Variants in LTBR observed in about 807,000 individuals in gnomAD.
LTBR encodes lymphotoxin beta receptor, also known as tumor necrosis factor receptor superfamily member 3.
In LTBR, 15 loss-of-function variants were observed where a neutral mutation model predicts 45.4. That is an observed-to-expected ratio of 0.33 (90% CI 0.22 to 0.51). LTBR has a LOEUF of 0.51. LTBR is among the 20% of genes least tolerant of loss of function. The pLI, the probability that LTBR is intolerant of heterozygous loss-of-function variation, is 0.97. For missense variants in LTBR, 450 were observed against 565.5 expected (o/e 0.80, Z 2.07); for synonymous variants, 228 against 231.0 (o/e 0.99, Z 0.12).
intron 1 of LTBR, chr12:6,377,131 C>T (rs1346570920): frequency 4.3e-6 from 3 of 697,428 alleles, no homozygotes; most frequent in Admixed American, 3.0e-5. Flanking sequence ...AGAGAAAAGG[C>T]AGTACTCCAG....
intron 1 of LTBR, chr12:6,375,838 A>G (rs952094316): frequency 3.0e-6 from 4 of 1,343,984 alleles, no homozygotes; most frequent in Non-Finnish European, 3.8e-6. Context: ...AGAAGGGGCC[A>G]GCCAGGCTGA....
In LTBR at chr12:6,385,050, C is replaced by T. The variant is rs1350223174; in HGVS notation, c.222C>T (p.Arg74=). Residue 74 remains arginine (R), a synonymous_variant, in exon 3 of 10, where the codon CGC becomes CGT. Transcript: ENST00000228918. ...PGTYVSAKCS[R]IRDTVCATCA... is the part of the protein sequence containing the mutation. The stretch of plus-strand genomic sequence containing the variant: ...CCTATGTCTCAGCTAAATGTAGCCG[C>T]ATCCGGGACACAGTTTGTGCCACAT... 8 of 1,614,118 alleles carry T rather than the reference C, an allele frequency of 5.0e-6. No individual in the cohort carries two copies. Among genetic ancestry groups the T allele is most frequent in the Non-Finnish European group, 6.8e-6 (8 of 1,180,044 alleles).
Position 6,375,635 on chromosome 12 carries a change from C to G in LTBR, c.39+41C>G, listed in dbSNP as rs777145578. 7 of 1,488,756 alleles carry G rather than the reference C, an allele frequency of 4.7e-6. No individual in the cohort carries two copies. The South Asian group carries it at 7.6e-5, about 16-fold the overall frequency. The allele number at this position is 1,488,756 out of a possible 1,614,324, so 92.2% of individuals were successfully genotyped here. ...GGAGGGGCTGAGGAGGAGTCAGAGC[C>G]GGGAGTTTTCCGAAGGAAGGAGGGC... On this transcript the variant is annotated intron_variant, in intron 1 of 9. Transcript: ENST00000539925.
chr12:6,388,234 G>A lies in LTBR; in HGVS notation c.668-164G>A, dbSNP rs1171947772. 2 of 596,138 alleles carry A rather than the reference G, an allele frequency of 3.4e-6. No individual in the cohort carries two copies. Among genetic ancestry groups the A allele is most frequent in the Non-Finnish European group, 6.0e-6 (2 of 333,844 alleles). 36.9% of individuals were successfully genotyped at this position (596,138 alleles called of 1,614,324 possible). On this transcript the variant is annotated intron_variant, in intron 6 of 9. Transcript: ENST00000228918. This position sits in a 1 kb window ranked among gnomAD's most constrained non-coding sequence, Gnocchi z 4.3. ...TCCCCTTCTCTATAACCCAAGGGAAGTTTCTCTCATTCTGCCTTTAGGAGC... is the reference window on the plus strand; with the variant it reads ...TCCCCTTCTCTATAACCCAAGGGAAATTTCTCTCATTCTGCCTTTAGGAGC...
In LTBR at chr12:6,388,007, C is replaced by A. The variant is rs1389827816; in HGVS notation, c.668-391C>A. On this transcript the variant is annotated intron_variant, in intron 6 of 9. Coordinates refer to ENST00000228918, the MANE Select transcript of LTBR (RefSeq NM_002342.3). This position sits in a 1 kb window ranked among gnomAD's most constrained non-coding sequence, Gnocchi z 4.3. ...TGTGGCTCTAGCCTGTGTCTGTTTA[C>A]AACTCCAAGTCCCACCCTTCCCTAC... is the stretch of plus-strand genomic sequence containing the variant. 5.6e-6 allele frequency: 2 copies of A among 356,936 alleles called. No homozygotes were observed. Among genetic ancestry groups the A allele is most frequent in the African/African-American group, 2.1e-5 (1 of 47,012 alleles). 22.1% of individuals were successfully genotyped at this position (356,936 alleles called of 1,614,324 possible).
At chr12:6,379,857 C>T (rs976775702), upstream of LTBR, among the ~76,000 whole-genome samples, 2 of 148,984 alleles carry the variant, frequency 1.3e-5, no homozygotes, top group African/African-American at 4.9e-5. Context: ...GGCATAAAAC[C>T]GGGGAGGTGG....
At chr12:6,383,453 G>A (rs1443989913), upstream of LTBR, among the ~76,000 whole-genome samples, 3 of 152,160 alleles carry the variant, frequency 2.0e-5, no homozygotes, top group African/African-American at 4.8e-5. Context: ...GGGTTTGAAG[G>A]TTCATGGGCA....
chr12:6,386,192 A>G lies in LTBR; in HGVS notation c.569+30A>G. ...GTGCAGCCCCACCCAAGCTCCTTCC[A>G]CCCTCTGAGAAGCCTCAGCTGCTAA... On this transcript the variant is annotated intron_variant, in intron 5 of 9. Transcript: ENST00000228918. The surrounding 1 kb of genome is among the most constrained non-coding windows in gnomAD (Gnocchi z 4.1). The G allele has an allele frequency of 6.3e-7, 1 of 1,579,986 alleles. No homozygotes were observed. The highest frequency in any genetic ancestry group is 8.7e-7 in the Non-Finnish European group (1 of 1,150,268).
chr12:6,385,345 T>C lies in LTBR; in HGVS notation c.438T>C (p.Ser146=). ...AGTGTACACACTGCGAGCTACTTTC[T>C]GACTGCCCGCCTGGCACTGAAGCCG... The part of the protein sequence containing the change: ...ALECTHCELL[S]DCPPGTEAEL... The change falls in exon 4 of 10, where the codon TCT becomes TCC. Residue 146 remains serine (S), a synonymous_variant. Coordinates refer to ENST00000228918, the MANE Select transcript of LTBR (RefSeq NM_002342.3). 1 of 1,614,152 alleles carries C rather than the reference T, an allele frequency of 6.2e-7. No homozygotes were observed. The highest frequency in any genetic ancestry group is 1.1e-5 in the South Asian group (1 of 91,086).
rs756909490 is a variant in LTBR, at chr12:6,388,464, C to A, written c.734C>A (p.Ser245Tyr). Residue 245 changes from serine to tyrosine, a missense_variant, in exon 7 of 10, where the codon TCC (serine) becomes TAC (tyrosine). Coordinates refer to ENST00000228918, the MANE Select transcript of LTBR (RefSeq NM_002342.3). This position sits in a 1 kb window ranked among gnomAD's most constrained non-coding sequence, Gnocchi z 4.3. ...AFFLLLATVFSCIWKSHPSLC... is the reference protein window; with the variant it reads ...AFFLLLATVFYCIWKSHPSLC... ...TTTCTGCTCCTTGCCACCGTCTTCT[C>A]CTGCATCTGGAAGAGCCACCCTTCT... 4 of 1,614,034 alleles carry A rather than the reference C, an allele frequency of 2.5e-6. No homozygotes were observed. The South Asian group carries it at 4.4e-5, about 18-fold the overall frequency.
rs761866668 is a variant in LTBR at position 6,388,411 on chromosome 12, G to T, written c.681G>T (p.Met227Ile). 1 of 1,613,658 alleles carries T rather than the reference G, an allele frequency of 6.2e-7. No individual in the cohort carries two copies. The highest frequency in any genetic ancestry group is 1.7e-5 in the Admixed American group (1 of 60,020). ...CTGTCCTGGCAGGAACCATGCTGAT[G>T]CTGGCCGTTCTGCTGCCACTGGCCT... ...LPPEMSGTMLMLAVLLPLAFF... is the reference protein window; with the variant it reads ...LPPEMSGTMLILAVLLPLAFF... Residue 227 changes from methionine (M) to isoleucine (I), a missense_variant, in exon 7 of 10, where the codon ATG becomes ATT. By Grantham distance (10) the Met-to-Ile change is conservative. Transcript: ENST00000228918. This position sits in a 1 kb window ranked among gnomAD's most constrained non-coding sequence, Gnocchi z 4.3.
chr12:6,375,298 C>G (rs72645132), upstream of LTBR: 278 of 1,438,754 alleles, frequency 1.9e-4, no homozygotes, highest in African/African-American at 6.7e-4. Context: ...TCCTCTCCCC[C>G]CCTTGCCTTG....
chr12:6,386,180 C>G lies in LTBR; in HGVS notation c.569+18C>G. On this transcript the variant is annotated intron_variant, in intron 5 of 9. Coordinates refer to ENST00000228918, the MANE Select transcript of LTBR (RefSeq NM_002342.3). The surrounding 1 kb of genome is among the most constrained non-coding windows in gnomAD (Gnocchi z 4.1). ...CACACCAGGTGAGTGCAGCCCCACC[C>G]AAGCTCCTTCCACCCTCTGAGAAGC... 1 of 1,598,804 alleles carries G rather than the reference C, an allele frequency of 6.3e-7. No homozygotes were observed. Among genetic ancestry groups the G allele is most frequent in the Non-Finnish European group, 8.6e-7 (1 of 1,166,478 alleles).
At position 6,377,624 on chromosome 12, in the gene LTBR, G is replaced by C. The variant is rs1433516335; in HGVS notation, c.39+2030G>C. The C allele has an allele frequency of 3.1e-6, 4 of 1,297,032 alleles. No homozygotes were observed. In the South Asian group the frequency reaches 5.0e-5, roughly 16 times the overall value. The allele number at this position is 1,297,032 out of a possible 1,614,324, so 80.3% of individuals were successfully genotyped here. A position where few individuals can be genotyped will look rare whatever the true frequency, so the allele number is the denominator to read the frequency against. ...TGTCCCCACTGCCCCACATATCCCA[G>C]AGACCCCTAGAAACTCCAGTCTCCC... On this transcript the variant is annotated intron_variant, in intron 1 of 9. Transcript: ENST00000539925.
intron 6 of LTBR, chr12:6,387,778 T>C (rs1327265819): frequency 2.4e-6 from 1 of 419,376 alleles, no homozygotes; most frequent in Middle Eastern, 3.5e-4. Context: ...CTCCAGCCTC[T>C]CTTTCTCTTC....
intron 1 of LTBR, chr12:6,377,489 C>G (rs1260487833): frequency 1.5e-6 from 1 of 668,920 alleles, no homozygotes; most frequent in Non-Finnish European, 2.5e-6. Flanking sequence ...TCAGGTGCAC[C>G]TGGATGTGAA....
intron 3 of LTBR, 23 bp downstream of exon 3, chr12:6,385,170 G>C (rs759619718): frequency 1.1e-4 from 181 of 1,614,068 alleles, no homozygotes; most frequent in Non-Finnish European, 1.4e-4. Flanking sequence ...GTGCCTGCGG[G>C]GGGGCTGGAT....
upstream of LTBR, among the ~76,000 whole-genome samples, chr12:6,382,699 G>A (rs1429742300): frequency 6.6e-6 from 1 of 152,138 alleles, no homozygotes; most frequent in Non-Finnish European, 1.5e-5. Flanking sequence ...CCCCTTTTGT[G>A]ACCTCTCCTC....
In LTBR at chr12:6,384,826, C is replaced by A. The variant is rs932910820; in HGVS notation, c.193+142C>A. 5 of 1,013,050 alleles carry A rather than the reference C, an allele frequency of 4.9e-6. No individual in the cohort carries two copies. In the Admixed American group the frequency reaches 6.2e-5, roughly 13 times the overall value. 62.8% of individuals were successfully genotyped at this position (1,013,050 alleles called of 1,614,324 possible). A position where few individuals can be genotyped will look rare whatever the true frequency, so the allele number is the denominator to read the frequency against. Reference sequence around the variant, plus strand: ...GACGAGCGTGGGAAACCCTGGACATCACGTGGAGGAGATGGGACTGGCCCT... The same window carrying A: ...GACGAGCGTGGGAAACCCTGGACATAACGTGGAGGAGATGGGACTGGCCCT... On this transcript the variant is annotated intron_variant, in intron 2 of 9. Transcript: ENST00000228918.
Sources: allele counts gnomAD v4.1 joint callset (sites outside exome capture counted in the v4.1 genomes callset), GRCh38; gene constraint gnomAD v4.1.1; non-coding constraint Gnocchi (gnomAD v3.1); transcripts MANE v1.5; gene names NCBI Gene and HGNC (gene_info 2026-07-23, HGNC 2026-07-21).